The following ATXN1 variants were observed in gnomAD, a reference collection of about 807,000 sequenced individuals.
ATXN1 encodes the protein ataxin-1.
ATXN1 carries 8 observed loss-of-function variants against 56.4 expected under a neutral mutation model. That is an observed-to-expected ratio of 0.14 (90% CI 0.08 to 0.26). ATXN1 has a LOEUF of 0.26. ATXN1 is among the 10% of genes least tolerant of loss of function. ATXN1 has a pLI of 1.00. For synonymous variants in ATXN1, 514 were observed against 494.6 expected, an observed-to-expected ratio of 1.04 and a Z score of -0.52; for missense variants, 987 against 1,106.5, an observed-to-expected ratio of 0.89 and a Z score of 1.53.
chr6:16,517,852 A>G (rs1334725797), intron 5 of ATXN1, among the ~76,000 whole-genome samples: 2 of 152,264 alleles, frequency 1.3e-5, no homozygotes, highest in African/African-American at 4.8e-5. Context: ...CGATTGCTGA[A>G]CTAGCTCCTA....
In ATXN1 at chr6:16,301,101, A is replaced by ATTT. The variant is rs1554135817; in HGVS notation, c.*5227_*5228insAAA. 3.5e-4 allele frequency: 46 copies of ATTT among 132,018 alleles called. No individual in the cohort carries two copies. Among genetic ancestry groups the ATTT allele is most frequent in the African/African-American group, 9.6e-4 (37 of 38,346 alleles). 8.2% of individuals were successfully genotyped at this position (132,018 alleles called of 1,614,324 possible). ...CCTTCTCTGCTTTTTTTTTTTTACA[A>ATTT]ACAAAGTATGAAACTCATTGTTTCA... On this transcript the variant is annotated 3_prime_UTR_variant, in exon 8 of 8. Transcript: ENST00000436367.
rs576455645 is a variant in ATXN1, at chr6:16,420,998, A to C, written c.-161+64974T>G. Among the ~76,000 whole-genome samples, 3 of 152,318 alleles carry C rather than the reference A, an allele frequency of 2.0e-5. No homozygotes were observed. In the South Asian group the frequency reaches 6.2e-4, roughly 32 times the overall value. ...ACTTACATGTGATACACACACATTT[A>C]CTGGTTTATGGTAGGAAAACTGCTC... On this transcript the variant is annotated intron_variant, in intron 6 of 7. Coordinates refer to ENST00000436367, the MANE Select transcript of ATXN1 (RefSeq NM_001128164.2).
At chr6:16,709,012 C>T (rs1451001285) in intron 2 of ATXN1, among the ~76,000 whole-genome samples, 2 of 133,128 alleles carry the variant, frequency 1.5e-5, no homozygotes, top group East Asian at 4.3e-4. Flanking sequence ...GGTGAAAGAG[C>T]GAAACTCTGT....
At chr6:16,665,065 T>C (rs1758397660) in intron 2 of ATXN1, among the ~76,000 whole-genome samples, 2 of 152,232 alleles carry the variant, frequency 1.3e-5, no homozygotes, top group African/African-American at 4.8e-5. Context: ...TAAATTCTCT[T>C]CTGTGCCTCT....
rs145169454 is a variant in ATXN1 at position 16,541,018 on chromosome 6, C to T, written c.-360-18330G>A. On this transcript the variant is annotated intron_variant, in intron 4 of 7. Transcript: ENST00000436367. ...CATATTGCTTTGAATATGAGCTCAT[C>T]GTAACTAAACCAGTGGTTTAAAAAA... Among the ~76,000 whole-genome samples, 533 of 152,286 alleles carry T rather than the reference C, an allele frequency of 3.5e-3. 1 individual carries two copies. The highest frequency in any genetic ancestry group is 0.012 in the African/African-American group (493 of 41,568).
rs1758783333 is a variant in ATXN1, at chr6:16,410,889, C to A, written c.-161+75083G>T. ...CCTGTAATCCCAGCTCTTTGGGAGG[C>A]CAATGCAGGCGGATCACTTGAGGCC... On this transcript the variant is annotated intron_variant, in intron 6 of 7. Transcript: ENST00000436367. The surrounding 1 kb of genome is among the most constrained non-coding windows in gnomAD (Gnocchi z 4.6). Among the ~76,000 whole-genome samples the A allele has an allele frequency of 6.6e-6, 1 of 152,076 alleles. No homozygotes were observed. Among genetic ancestry groups the A allele is most frequent in the Non-Finnish European group, 1.5e-5 (1 of 68,012 alleles).
rs539287576 is a variant in ATXN1 at position 16,446,333 on chromosome 6, T to G, written c.-161+39639A>C. Among the ~76,000 whole-genome samples, 7 of 152,376 alleles carry G rather than the reference T, an allele frequency of 4.6e-5. No individual in the cohort carries two copies. The East Asian group carries it at 1.3e-3, about 29-fold the overall frequency. The stretch of plus-strand genomic sequence containing the variant: ...TGCATAAATGTCTTCTTTTGAGAAG[T>G]GTCTGTTAAATGTGTTTGATATTTC... On this transcript the variant is annotated intron_variant, in intron 6 of 7. Coordinates refer to ENST00000436367, the MANE Select transcript of ATXN1 (RefSeq NM_001128164.2).
rs1458872288 is a variant in ATXN1, at chr6:16,753,349, T to C, written c.-729-2A>G. ...CTGGTGACTTGATGCACGATGCTCC[T>C]GCAATGGTCGAGGGAGTGCAGGAGA... On this transcript the variant is annotated splice_acceptor_variant, in intron 1 of 7. Transcript: ENST00000436367. LOFTEE classifies it low-confidence loss of function (5UTR_SPLICE). 2.2e-6 allele frequency: 1 copy of C among 456,768 alleles called. No homozygotes were observed. Among genetic ancestry groups the C allele is most frequent in the East Asian group, 6.9e-5 (1 of 14,408 alleles). 28.3% of individuals were successfully genotyped at this position (456,768 alleles called of 1,614,324 possible).
At chr6:16,693,034 G>A (rs1018761894) in intron 2 of ATXN1, among the ~76,000 whole-genome samples, 11 of 152,064 alleles carry the variant, frequency 7.2e-5, no homozygotes, top group Admixed American at 2.0e-4. Flanking sequence ...TTTCAGCTCC[G>A]CCACTCACTA....
At chr6:16,565,591 A>G (rs561949216) in intron 4 of ATXN1, among the ~76,000 whole-genome samples, 1 of 152,326 alleles carries the variant, frequency 6.6e-6, no homozygotes, top group South Asian at 2.1e-4. Context: ...TAATTTCCAC[A>G]TGAACCAGAA....
intron 3 of ATXN1, among the ~76,000 whole-genome samples, chr6:16,589,295 GCAAGAAAGAGGTATCCCCTCAT>G (rs1253813351): frequency 1.3e-5 from 2 of 151,814 alleles, no homozygotes; most frequent in Admixed American, 1.3e-4. Context: ...TCCCTTAAAG[GCAAGAAAGAGGTATCCCCTCAT>G]CATAGTACCC....
chr6:16,446,324 T>C (rs1759634870), intron 6 of ATXN1, among the ~76,000 whole-genome samples: 1 of 152,258 alleles, frequency 6.6e-6, no homozygotes, highest in Non-Finnish European at 1.5e-5. Context: ...AATGTCTTCT[T>C]TTGAGAAGTG....
At chr6:16,475,039 G>T (rs1581787737) in intron 6 of ATXN1, among the ~76,000 whole-genome samples, 1 of 151,912 alleles carries the variant, frequency 6.6e-6, no homozygotes, top group African/African-American at 2.4e-5. Flanking sequence ...CTTTTTCAGA[G>T]TTCTACTCAT....
intron 6 of ATXN1, among the ~76,000 whole-genome samples, chr6:16,431,153 CAGGAGCGTAGATAGGAGT>C (rs974386383): frequency 3.9e-5 from 6 of 152,004 alleles, no homozygotes; most frequent in Admixed American, 6.6e-5. Flanking sequence ...GGGGTAGGAG[CAGGAGCGTAGATAGGAGT>C]GGTGAGATTA....
At chr6:16,450,145 T>C (rs777116112) in intron 6 of ATXN1, among the ~76,000 whole-genome samples, 2 of 152,266 alleles carry the variant, frequency 1.3e-5, no homozygotes, top group Non-Finnish European at 2.9e-5. Context: ...ATACAGAATT[T>C]GTACCTGTGG....
intron 6 of ATXN1, among the ~76,000 whole-genome samples, chr6:16,474,684 T>C (rs148742548): frequency 2.5e-4 from 38 of 152,270 alleles, no homozygotes; most frequent in Middle Eastern, 3.4e-3. Flanking sequence ...GAAGATGCCA[T>C]GCTGGTCTGC....
At chr6:16,745,835 G>A (rs1760513567) in intron 2 of ATXN1, among the ~76,000 whole-genome samples, 1 of 151,936 alleles carries the variant, frequency 6.6e-6, no homozygotes. Context: ...ACTAAAACTG[G>A]CTGCTCTGAG....
intron 6 of ATXN1, among the ~76,000 whole-genome samples, chr6:16,344,668 C>T (rs1345486918): frequency 6.6e-6 from 1 of 152,216 alleles, no homozygotes; most frequent in Non-Finnish European, 1.5e-5. Context: ...CTGTCGGCTT[C>T]CCTACTTTTG....
chr6:16,349,296 A>C (rs1761517339), intron 6 of ATXN1, among the ~76,000 whole-genome samples: 1 of 151,972 alleles, frequency 6.6e-6, no homozygotes, highest in Non-Finnish European at 1.5e-5. Context: ...CGAGATGAAG[A>C]GATCGAGACC....
Sources: gnomAD v4.1 joint callset for allele counts (sites outside exome capture counted in the v4.1 genomes callset) on GRCh38, gnomAD v4.1.1 for gene constraint, Gnocchi (gnomAD v3.1) non-coding constraint, MANE v1.5 for transcripts, NCBI Gene and HGNC (gene_info 2026-07-23, HGNC 2026-07-21) for gene names.